Variants in PSMG1 observed in about 807,000 individuals in gnomAD.
PSMG1 encodes Down syndrome critical region gene 2.
A neutral mutation model predicts 37.2 loss-of-function variants in PSMG1; 23 were observed. The observed-to-expected ratio is 0.62, with a 90% CI of 0.44 to 0.88. The LOEUF is 0.88. PSMG1 is among the 40% of genes least tolerant of loss of function. PSMG1 has a pLI of 0.00. For missense variants in PSMG1, 340 were observed against 344.2 expected, an observed-to-expected ratio of 0.99 and a Z score of 0.10; for synonymous variants, 127 against 128.0, an observed-to-expected ratio of 0.99 and a Z score of 0.05.
chr21:39,181,061 C>G (rs1432118509), intron 2 of PSMG1, among the ~76,000 whole-genome samples: 1 of 152,172 alleles, frequency 6.6e-6, no homozygotes, highest in African/African-American at 2.4e-5. Flanking sequence ...AAAACATTAA[C>G]ATAAACCCGG....
intron 4 of PSMG1, 127 bp from the exon 5 acceptor site, chr21:39,178,774 T>C: frequency 1.1e-6 from 1 of 908,866 alleles, no homozygotes; most frequent in Non-Finnish European, 1.6e-6. Context: ...GGAGTGTGCC[T>C]TGGAGAAACA....
At chr21:39,182,069 C>A (rs1352251796) in intron 1 of PSMG1, among the ~76,000 whole-genome samples, 191 bp from the exon 2 acceptor site, 1 of 152,154 alleles carries the variant, frequency 6.6e-6, no homozygotes, top group Non-Finnish European at 1.5e-5. Flanking sequence ...TACGTGTTTA[C>A]GGAGAACTCT....
rs2030772725 is a variant in PSMG1, at chr21:39,180,147, A to G, written c.393+138T>C. On this transcript the variant is annotated intron_variant, in intron 3 of 6. Transcript: ENST00000331573. ...CTCTTTAAAATTTAACAGTCAAACC[A>G]CTACTGGTGATTAGTATCAGAAAAA... The G allele has an allele frequency of 2.4e-6, 3 of 1,252,868 alleles. No homozygotes were observed. In the Admixed American group the frequency reaches 7.5e-5, roughly 32 times the overall value. 77.6% of individuals were successfully genotyped at this position (1,252,868 alleles called of 1,614,324 possible). A position where few individuals can be genotyped will look rare whatever the true frequency, so the allele number is the denominator to read the frequency against.
intron 6 of PSMG1, among the ~76,000 whole-genome samples, chr21:39,175,878 T>G (rs2146403662): frequency 6.6e-6 from 1 of 152,198 alleles, no homozygotes; most frequent in Non-Finnish European, 1.5e-5. Context: ...TCTCCTGGCC[T>G]CCGATGGTCT....
In PSMG1 at chr21:39,183,414, T is replaced by G. The variant is rs189878072; in HGVS notation, c.-29A>C. 8 of 1,562,162 alleles carry G rather than the reference T, an allele frequency of 5.1e-6. No individual in the cohort carries two copies. In the African/African-American group the frequency reaches 6.9e-5, roughly 14 times the overall value. On this transcript the variant is annotated 5_prime_UTR_variant, in exon 1 of 7. Coordinates refer to ENST00000331573, the MANE Select transcript of PSMG1 (RefSeq NM_003720.4). ...CGCCCCGTGACCGGCTGGACACAAC[T>G]GCAGCGCCGCGGGACCGCACGCCGG...
At chr21:39,177,869 TAAC>T (rs1200212941) in intron 5 of PSMG1, among the ~76,000 whole-genome samples, 3 of 152,112 alleles carry the variant, frequency 2.0e-5, no homozygotes, top group Non-Finnish European at 4.4e-5. Flanking sequence ...AGCATATAAA[TAAC>T]AAATAAGTAC....
chr21:39,180,327 T>C lies in PSMG1; in HGVS notation c.351A>G (p.Thr117=). ...GATGATAAAACACACAAAAAGCCTC[T>C]GTGGAGGACAGATGTGTAGTGTCTG... ...RTTDTTHLSS[T]EAFCVFYHLK... Residue 117 remains threonine, a synonymous_variant, in exon 3 of 7, where the codon ACA becomes ACG. Transcript: ENST00000331573. The C allele has an allele frequency of 1.9e-6, 3 of 1,610,528 alleles. No homozygotes were observed. The highest frequency in any genetic ancestry group is 2.5e-6 in the Non-Finnish European group (3 of 1,178,546).
At chr21:39,181,933 G>T in intron 1 of PSMG1, 55 bp from the exon 2 acceptor site, 1 of 1,148,124 alleles carries the variant, frequency 8.7e-7, no homozygotes, top group Non-Finnish European at 1.2e-6. Context: ...CAGTATCATG[G>T]CAAAAGGGCA....
intron 2 of PSMG1, among the ~76,000 whole-genome samples, chr21:39,181,002 T>C (rs1326962605): frequency 6.6e-6 from 1 of 152,226 alleles, no homozygotes; most frequent in South Asian, 2.1e-4. Context: ...ATGTTGATAA[T>C]TATTACTGTC....
chr21:39,178,689 T>C, intron 4 of PSMG1, 42 bp from the exon 5 acceptor site: 1 of 1,542,534 alleles, frequency 6.5e-7, no homozygotes, highest in Non-Finnish European at 8.8e-7. Flanking sequence ...ACATATAATT[T>C]TGTTACAGAA....
At position 39,174,948 on chromosome 21, in the gene PSMG1, T is replaced by C. The variant is rs1011867630; in HGVS notation, c.*642A>G. On this transcript the variant is annotated 3_prime_UTR_variant, in exon 7 of 7. Coordinates refer to ENST00000331573, the MANE Select transcript of PSMG1 (RefSeq NM_003720.4). ...AAAAGTGAGGACATACACATTTCTG[T>C]TTCATTTTTAGTAAATATATAATTT... 6.6e-6 allele frequency: 1 copy of C among 152,208 alleles called. No individual in the cohort carries two copies. The highest frequency in any genetic ancestry group is 6.5e-5 in the Admixed American group (1 of 15,286). The allele number at this position is 152,208 out of a possible 1,614,324, so 9.4% of individuals were successfully genotyped here.
Position 39,177,480 on chromosome 21 carries a change from A to C in PSMG1, c.747T>G (p.Ala249=). Residue 249 remains alanine (A), a synonymous_variant, in exon 6 of 7, where the codon GCT becomes GCG. Coordinates refer to ENST00000331573, the MANE Select transcript of PSMG1 (RefSeq NM_003720.4). ...VMKLDLITVE[A]FKPILSTRSL... ...TTCTGGTAGAAAGTATAGGCTTAAA[A>C]GCTTCCACTGTGATTAGGTCTAATT... 3 of 1,607,792 alleles carry C rather than the reference A, an allele frequency of 1.9e-6. No homozygotes were observed. The highest frequency in any genetic ancestry group is 2.5e-6 in the Non-Finnish European group (3 of 1,177,674).
At chr21:39,183,180 C>T (rs1031271387) in intron 1 of PSMG1, 72 bp downstream of exon 1, 2 of 1,435,220 alleles carry the variant, frequency 1.4e-6, no homozygotes, top group Non-Finnish European at 1.8e-6. Context: ...CGGCCTTAGG[C>T]GCCGTCGCGG....
chr21:39,183,468 G>C, upstream of PSMG1: 4 of 1,458,062 alleles, frequency 2.7e-6, no homozygotes, highest in South Asian at 4.1e-5. Flanking sequence ...CCCTCACCGC[G>C]CGGGCAATAA....
rs1474160664 is a variant in PSMG1 at position 39,178,532 on chromosome 21, G to A, written c.572C>T (p.Ala191Val). 6.2e-7 allele frequency: 1 copy of A among 1,614,076 alleles called. No homozygotes were observed. Among genetic ancestry groups the A allele is most frequent in the East Asian group, 2.2e-5 (1 of 44,880 alleles). The change falls in exon 5 of 7, where the codon GCC (alanine) becomes GTC (valine). Residue 191 changes from alanine to valine, a missense_variant. Physicochemically the swap from Ala to Val is moderately conservative, Grantham distance 64. Coordinates refer to ENST00000331573, the MANE Select transcript of PSMG1 (RefSeq NM_003720.4). ...GTCTTTGAAATTCTGTGTTTTTAGG[G>A]CTCTCAGGAAAGGAGAAGGAAGGCT... ...TGSLPSPFLRALKTQNFKDSA... is the reference protein window; with the variant it reads ...TGSLPSPFLRVLKTQNFKDSA...
intron 2 of PSMG1, 47 bp from the exon 3 acceptor site, chr21:39,180,483 T>A (rs376781541): frequency 6.7e-7 from 1 of 1,494,504 alleles, no homozygotes. Context: ...CTGCAAGCTA[T>A]ATTTTCTATT....
At chr21:39,175,735 A>G in intron 6 of PSMG1, 71 bp from the exon 7 acceptor site, 1 of 957,136 alleles carries the variant, frequency 1.0e-6, no homozygotes, top group Non-Finnish European at 1.7e-6. Flanking sequence ...CCCTCCCTCC[A>G]CGACCAACAA....
intron 4 of PSMG1, 91 bp from the exon 5 acceptor site, chr21:39,178,738 C>G (rs1483736009): frequency 6.9e-6 from 8 of 1,166,264 alleles, no homozygotes; most frequent in Non-Finnish European, 8.5e-6. Context: ...ACACCACAGA[C>G]AATAATAGCA....
chr21:39,180,235 T>C (rs1018583306), intron 3 of PSMG1, 50 bp downstream of exon 3: 1 of 1,536,468 alleles, frequency 6.5e-7, no homozygotes, highest in East Asian at 2.3e-5. Flanking sequence ...GTAAATAACA[T>C]GTAAGTGATA....
Sources: allele counts gnomAD v4.1 joint callset (sites outside exome capture counted in the v4.1 genomes callset), GRCh38; gene constraint gnomAD v4.1.1; transcripts MANE v1.5; gene names NCBI Gene and HGNC (gene_info 2026-07-23, HGNC 2026-07-21).